The following CEP85L variants were observed in gnomAD, a reference collection of about 807,000 sequenced individuals.
CEP85L encodes centrosomal protein 85L, also known as centrosomal protein of 85 kDa-like.
In CEP85L, 60 loss-of-function variants were observed where a neutral mutation model predicts 100.3. That is an observed-to-expected ratio of 0.60 (90% CI 0.49 to 0.74). The LOEUF is 0.74. Among genes scored for constraint, CEP85L ranks in the 30% least tolerant of loss-of-function variants. The pLI is 0.00. For missense variants in CEP85L, 973 were observed against 936.2 expected (o/e 1.04, Z -0.51); for synonymous variants, 319 against 322.7 (o/e 0.99, Z 0.12).
At chr6:118,686,998 C>G (rs1010760773) in intron 1 of CEP85L, among the ~76,000 whole-genome samples, 1 of 152,164 alleles carries the variant, frequency 6.6e-6, no homozygotes, top group South Asian at 2.1e-4. Flanking sequence ...CTCGTAACCA[C>G]TTCTCTTACT....
In CEP85L at chr6:118,479,914, T is replaced by C. The variant is rs757222072; in HGVS notation, c.1871A>G (p.Asp624Gly). Residue 624 changes from aspartate (D) to glycine (G), a missense_variant, in exon 10 of 13, where the codon GAC becomes GGC. Transcript: ENST00000368491. The stretch of plus-strand genomic sequence containing the variant: ...TCTGTCAATCTCATCTTGTTGGCTG[T>C]CTATTATCTAAAACAAAATAAATAC... Reference protein sequence around the residue: ...QQNETASKIIDSQQDEIDRMI... With the variant: ...QQNETASKIIGSQQDEIDRMI... The C allele has an allele frequency of 1.2e-5, 18 of 1,476,014 alleles. No homozygotes were observed. The highest frequency in any genetic ancestry group is 1.5e-5 in the Non-Finnish European group (16 of 1,079,370). 91.4% of individuals were successfully genotyped at this position (1,476,014 alleles called of 1,614,324 possible). A position where few individuals can be genotyped will look rare whatever the true frequency, so the allele number is the denominator to read the frequency against.
rs759345348 is a variant in CEP85L, at chr6:118,480,503, T to C, written c.1756A>G (p.Lys586Glu). The stretch of plus-strand genomic sequence containing the variant: ...CCATCTTCAAGGCATCTTTCTACTT[T>C]TTGTTGCAAACTATTTCAAAAGACA... ...LVTTVQSLQQ[K>E]VERCLEDGIR... Residue 586 changes from lysine (K) to glutamate (E), a missense_variant, in exon 9 of 13, where the codon AAA (lysine) becomes GAA (glutamate). Physicochemically the swap from Lys to Glu is moderately conservative, Grantham distance 56. This residue lies in a region of CEP85L where 890 missense variants were observed against 844.5 expected (regional missense o/e 1.05). Coordinates refer to ENST00000368491, the MANE Select transcript of CEP85L (RefSeq NM_001042475.3). 1.2e-6 allele frequency: 2 copies of C among 1,602,846 alleles called. No individual in the cohort carries two copies. The highest frequency in any genetic ancestry group is 1.7e-6 in the Non-Finnish European group (2 of 1,172,372).
intron 3 of CEP85L, chr6:118,537,591 C>T (rs934512316): frequency 3.0e-6 from 3 of 985,136 alleles, no homozygotes; most frequent in African/African-American, 1.7e-5. Context: ...ACAACAATCC[C>T]AAACACATGC....
chr6:118,648,835 A>G (rs2115377719), intron 1 of CEP85L, among the ~76,000 whole-genome samples: 1 of 152,182 alleles, frequency 6.6e-6, no homozygotes, highest in East Asian at 1.9e-4. Context: ...AACCAGTTTC[A>G]GGACAGCTTG....
At chr6:118,545,372 G>A (rs1006526736) in intron 3 of CEP85L, among the ~76,000 whole-genome samples, 1 of 152,034 alleles carries the variant, frequency 6.6e-6, no homozygotes, top group Non-Finnish European at 1.5e-5. Flanking sequence ...GGCAGATCAC[G>A]AGGTCAGGAG....
chr6:118,705,734 A>G (rs1161727728), intron 1 of CEP85L, among the ~76,000 whole-genome samples: 1 of 152,234 alleles, frequency 6.6e-6, no homozygotes, highest in African/African-American at 2.4e-5. Flanking sequence ...CCTTCTCACA[A>G]TATGCTCTTG....
At chr6:118,583,129 C>A (rs375878239) in intron 2 of CEP85L, among the ~76,000 whole-genome samples, 2 of 152,180 alleles carry the variant, frequency 1.3e-5, no homozygotes, top group African/African-American at 4.8e-5. Flanking sequence ...GATGGATCTG[C>A]CCCCAGAGGC....
At chr6:118,537,620 A>T (rs1343489944) in intron 3 of CEP85L, 1 of 985,224 alleles carries the variant, frequency 1.0e-6, no homozygotes, top group Admixed American at 6.2e-5. Context: ...TGAGATCCGG[A>T]TACTATGAAA....
chr6:118,646,309 AT>A (rs1376228657), intron 1 of CEP85L, among the ~76,000 whole-genome samples: 27 of 152,250 alleles, frequency 1.8e-4, no homozygotes, highest in African/African-American at 6.5e-4. Context: ...TCTTCTTAGA[AT>A]ATTACTTTGC....
At chr6:118,486,764 C>T (rs1562189249) in intron 6 of CEP85L, among the ~76,000 whole-genome samples, 1 of 152,250 alleles carries the variant, frequency 6.6e-6, no homozygotes, top group East Asian at 1.9e-4. Context: ...CTCTTCTTTT[C>T]GGAGAGTAAC....
chr6:118,463,571 T>C lies in CEP85L; in HGVS notation c.*1834A>G, dbSNP rs1029850826. On this transcript the variant is annotated 3_prime_UTR_variant, in exon 13 of 13. Transcript: ENST00000368491. ...ACCCTGATTATCGTCAAGCTACTAATGTTAAAAACCAAGTGAATATAATTA... is the reference window on the plus strand; with the variant it reads ...ACCCTGATTATCGTCAAGCTACTAACGTTAAAAACCAAGTGAATATAATTA... 1 of 152,082 alleles carries C rather than the reference T, an allele frequency of 6.6e-6. No individual in the cohort carries two copies. Among genetic ancestry groups the C allele is most frequent in the African/African-American group, 2.4e-5 (1 of 41,462 alleles). 9.4% of individuals were successfully genotyped at this position (152,082 alleles called of 1,614,324 possible).
rs79447539 is a variant in CEP85L at position 118,608,697 on chromosome 6, C to T, written c.232+23756G>A. 2.7e-4 allele frequency among the ~76,000 whole-genome samples: 41 copies of T among 152,184 alleles called. No homozygotes were observed. The East Asian group carries it at 5.8e-3, about 21-fold the overall frequency. The stretch of plus-strand genomic sequence containing the variant: ...ATATCATGTATTAAATTTCCATATA[C>T]GCATGTGTTTTAAAAAAGTACTTAA... On this transcript the variant is annotated intron_variant, in intron 2 of 12. Coordinates refer to ENST00000368491, the MANE Select transcript of CEP85L (RefSeq NM_001042475.3).
chr6:118,565,136 C>CA (rs771997776), intron 3 of CEP85L: 23 of 173,886 alleles, frequency 1.3e-4, no homozygotes, highest in Non-Finnish European at 2.0e-4. Flanking sequence ...AAAAGTCATC[C>CA]ACGTTCTAAA....
chr6:118,593,570 G>A (rs1471350044), intron 2 of CEP85L, among the ~76,000 whole-genome samples: 2 of 151,522 alleles, frequency 1.3e-5, no homozygotes, highest in African/African-American at 2.4e-5. Flanking sequence ...AACCATTCAC[G>A]AGAAACTGCC....
At chr6:118,477,036 A>T (rs551339161) in intron 10 of CEP85L, among the ~76,000 whole-genome samples, 1 of 152,188 alleles carries the variant, frequency 6.6e-6, no homozygotes, top group Non-Finnish European at 1.5e-5. Context: ...GACTGCAGCC[A>T]TATGTTCATG....
intron 1 of CEP85L, among the ~76,000 whole-genome samples, chr6:118,670,553 T>C (rs1377469463): frequency 4.0e-5 from 6 of 151,080 alleles, no homozygotes. Flanking sequence ...GTTTGCTTCA[T>C]TGTCGCACTA....
chr6:118,502,229 T>C (rs1173733375), intron 5 of CEP85L: 1 of 654,026 alleles, frequency 1.5e-6, no homozygotes, highest in Non-Finnish European at 2.7e-6. Flanking sequence ...AGTTCTTATG[T>C]ACCGCATTAT....
At chr6:118,540,991 C>A (rs149709092) in intron 3 of CEP85L, among the ~76,000 whole-genome samples, 14 of 152,054 alleles carry the variant, frequency 9.2e-5, no homozygotes, top group African/African-American at 3.1e-4. Context: ...ATTCATTATA[C>A]GGACTCATAC....
chr6:118,636,280 T>C (rs1453229545), intron 1 of CEP85L, among the ~76,000 whole-genome samples: 1 of 152,228 alleles, frequency 6.6e-6, no homozygotes, highest in Admixed American at 6.5e-5. Context: ...ATTTCTTTAT[T>C]TGGAAGAAAA....
Sources: gnomAD v4.1 joint callset for allele counts (sites outside exome capture counted in the v4.1 genomes callset) on GRCh38, gnomAD v4.1.1 for gene constraint, gnomAD v4.1.1 regional missense constraint, MANE v1.5 for transcripts, NCBI Gene and HGNC (gene_info 2026-07-23, HGNC 2026-07-21) for gene names.